Variants in PKHD1 observed in about 807,000 individuals in gnomAD.
The protein encoded by PKHD1 is fibrocystin.
A neutral mutation model predicts 412.0 loss-of-function variants in PKHD1; 291 were observed. That is an observed-to-expected ratio of 0.71 (90% CI 0.64 to 0.78). The LOEUF (loss-of-function observed/expected upper bound fraction) is 0.78. Ranked by LOEUF, PKHD1 falls within the 30% of genes least tolerant of loss-of-function variation. PKHD1 has a pLI of 0.00. For missense variants in PKHD1, 4,825 were observed against 4,950.7 expected (o/e 0.97, Z 0.76); for synonymous variants, 1,777 against 1,821.5 (o/e 0.98, Z 0.62).
chr6:52,074,917 C>T (rs1811141417), intron 6 of PKHD1, among the ~76,000 whole-genome samples: 1 of 152,194 alleles, frequency 6.6e-6, no homozygotes, highest in African/African-American at 2.4e-5. Context: ...GGAAGAGACA[C>T]CGAGCAGAAC....
Position 51,618,226 on chromosome 6 carries a change from C to T in PKHD1, c.*855G>A, listed in dbSNP as rs1394804530. ...TCACAGCTTTATGCATCATCTTCTC[C>T]AAAAAGCAGCTTTTTGATAAAGGAC... is the stretch of plus-strand genomic sequence containing the variant. On this transcript the variant is annotated 3_prime_UTR_variant, in exon 67 of 67. Transcript: ENST00000371117. The T allele has an allele frequency of 1.3e-5, 2 of 152,164 alleles. No individual in the cohort carries two copies. Among genetic ancestry groups the T allele is most frequent in the African/African-American group, 4.8e-5 (2 of 41,420 alleles). 9.4% of individuals were successfully genotyped at this position (152,164 alleles called of 1,614,324 possible).
rs187801441 is a variant in PKHD1, at chr6:51,944,419, G to A, written c.5909-10097C>T. The stretch of plus-strand genomic sequence containing the variant: ...TGTTTGGTGGTCTCTTCGCATGGAT[G>A]CGAGTGAAAAACACTAAGATTGGTC... On this transcript the variant is annotated intron_variant, in intron 36 of 66. Coordinates refer to ENST00000371117, the MANE Select transcript of PKHD1 (RefSeq NM_138694.4). Among the ~76,000 whole-genome samples, 198 of 152,308 alleles carry A rather than the reference G, an allele frequency of 1.3e-3. 2 individuals are homozygous for A. The highest frequency in any genetic ancestry group is 4.6e-3 in the African/African-American group (190 of 41,570).
At chr6:51,713,855 C>T (rs1780930738) in intron 60 of PKHD1, among the ~76,000 whole-genome samples, 1 of 152,118 alleles carries the variant, frequency 6.6e-6, no homozygotes, top group Non-Finnish European at 1.5e-5. Flanking sequence ...CTACAGTTGG[C>T]CAGGTATCTT....
intron 42 of PKHD1, 50 bp downstream of exon 42, chr6:51,903,936 G>C (rs984163522): frequency 7.0e-6 from 9 of 1,286,196 alleles, no homozygotes; most frequent in Non-Finnish European, 1.0e-5. Context: ...TAAAATATAT[G>C]ACAATTTTAA....
chr6:51,682,816 A>C (rs1012050102), intron 60 of PKHD1, among the ~76,000 whole-genome samples: 2 of 151,964 alleles, frequency 1.3e-5, no homozygotes, highest in African/African-American at 4.8e-5. Flanking sequence ...ATTTCAGTTG[A>C]TTTTCTTCCT....
intron 50 of PKHD1, among the ~76,000 whole-genome samples, chr6:51,847,281 T>C (rs991474434): frequency 2.7e-5 from 4 of 150,482 alleles, no homozygotes; most frequent in African/African-American, 9.8e-5. Context: ...TTTTTTTTTT[T>C]TGGAGAGATG....
chr6:52,082,830 G>A (rs1257180554), intron 3 of PKHD1, among the ~76,000 whole-genome samples: 1 of 152,216 alleles, frequency 6.6e-6, no homozygotes, highest in Non-Finnish European at 1.5e-5. Flanking sequence ...TGGTGCAGAA[G>A]CTCCCAAGTA....
chr6:51,891,725 A>ACG (rs1255086593), intron 43 of PKHD1, among the ~76,000 whole-genome samples: 3 of 151,536 alleles, frequency 2.0e-5, no homozygotes, highest in Admixed American at 1.3e-4. Context: ...ACACACACAC[A>ACG]CACACACACA....
rs1808803621 is a variant in PKHD1, at chr6:52,062,374, A to T, written c.1118+145T>A. The T allele has an allele frequency of 1.6e-5, 14 of 870,888 alleles. No individual in the cohort carries two copies. The South Asian group carries it at 1.9e-4, about 12-fold the overall frequency. The allele number at this position is 870,888 out of a possible 1,614,324, so 53.9% of individuals were successfully genotyped here. ...GCACTAGCATGACCAACACTGATTG[A>T]GAATACTGTCAAACTCTGTTGTTGT... On this transcript the variant is annotated intron_variant, in intron 14 of 66. Transcript: ENST00000371117.
intron 35 of PKHD1, among the ~76,000 whole-genome samples, chr6:51,985,132 T>C (rs1796048783): frequency 6.6e-6 from 1 of 152,218 alleles, no homozygotes; most frequent in Admixed American, 6.5e-5. Flanking sequence ...TTTTGCAATA[T>C]GCATGATCTG....
chr6:51,936,927 G>A (rs1055584869), intron 36 of PKHD1, among the ~76,000 whole-genome samples: 4 of 152,204 alleles, frequency 2.6e-5, no homozygotes, highest in Non-Finnish European at 4.4e-5. Flanking sequence ...CTCTTGTGGG[G>A]AAAATCTACA....
intron 52 of PKHD1, among the ~76,000 whole-genome samples, chr6:51,805,032 T>A (rs924743271): frequency 6.6e-6 from 1 of 152,160 alleles, no homozygotes; most frequent in African/African-American, 2.4e-5. Context: ...TTACTGGGTA[T>A]ATATCCAAAG....
chr6:51,933,368 C>T (rs1290955356), intron 37 of PKHD1, among the ~76,000 whole-genome samples: 1 of 152,166 alleles, frequency 6.6e-6, no homozygotes, highest in Non-Finnish European at 1.5e-5. Flanking sequence ...CTAAGTAGAA[C>T]TGTAATTAAA....
intron 37 of PKHD1, among the ~76,000 whole-genome samples, chr6:51,922,469 T>A (rs1784851746): frequency 6.6e-6 from 1 of 152,220 alleles, no homozygotes; most frequent in South Asian, 2.1e-4. Context: ...ACTACTCTCT[T>A]CAAAGCTGTC....
chr6:51,795,538 G>T (rs137949582), intron 52 of PKHD1, among the ~76,000 whole-genome samples: 46 of 152,136 alleles, frequency 3.0e-4, no homozygotes, highest in African/African-American at 1.1e-3. Context: ...TTGCCTAATT[G>T]CCCTGGCCAG....
chr6:51,976,840 C>T (rs867967731), intron 35 of PKHD1, among the ~76,000 whole-genome samples: 4 of 148,134 alleles, frequency 2.7e-5, no homozygotes, highest in Admixed American at 2.1e-4. Context: ...CCCAGCTACT[C>T]GGGAGACTGA....
chr6:52,041,097 G>GA (rs1804800390), intron 27 of PKHD1, among the ~76,000 whole-genome samples: 1 of 152,126 alleles, frequency 6.6e-6, no homozygotes, highest in Non-Finnish European at 1.5e-5. Flanking sequence ...AATGAATGAA[G>GA]AAAGTATGTA....
intron 55 of PKHD1, among the ~76,000 whole-genome samples, chr6:51,767,485 G>T (rs760593308): frequency 9.9e-5 from 15 of 151,968 alleles, no homozygotes; most frequent in Non-Finnish European, 1.6e-4. Context: ...CCCCACAACA[G>T]TCCCCAGAGT....
chr6:51,855,519 T>C (rs1370974827), intron 49 of PKHD1, among the ~76,000 whole-genome samples: 2 of 152,246 alleles, frequency 1.3e-5, no homozygotes, highest in Admixed American at 6.5e-5. Flanking sequence ...GCATTTTCTC[T>C]GGCTACAAAC....
Sources: gnomAD v4.1 joint callset for allele counts (sites outside exome capture counted in the v4.1 genomes callset) on GRCh38, gnomAD v4.1.1 for gene constraint, MANE v1.5 for transcripts, NCBI Gene and HGNC (gene_info 2026-07-23, HGNC 2026-07-21) for gene names.